CPLANE1: variants seen among roughly 807,000 people sequenced by gnomAD.
CPLANE1 encodes ciliogenesis and planar polarity effector complex subunit 1.
In CPLANE1, 263 loss-of-function variants were observed where a neutral mutation model predicts 362.5. That is an observed-to-expected ratio of 0.73 (90% CI 0.66 to 0.80). The LOEUF is 0.80. CPLANE1 is among the 30% of genes least tolerant of loss of function. The pLI is 0.00. For synonymous variants in CPLANE1, 1,212 were observed against 1,302.6 expected, an observed-to-expected ratio of 0.93 and a Z score of 1.50; for missense variants, 3,461 against 3,793.4, an observed-to-expected ratio of 0.91 and a Z score of 2.30.
chr5:37,098,968 C>G, the CPLANE1 span, among the ~76,000 whole-genome samples: 2 of 143,858 alleles, frequency 1.4e-5, no homozygotes, highest in African/African-American at 5.2e-5. Context: ...AATAAACAAC[C>G]TAACAATGAA....
chr5:37,206,671 AC>A (rs1428607631), intron 16 of CPLANE1, among the ~76,000 whole-genome samples: 3 of 152,224 alleles, frequency 2.0e-5, no homozygotes, highest in South Asian at 2.1e-4. Context: ...GAGAAAAAAA[AC>A]AAAACAGAAT....
At chr5:37,132,626 GT>G (rs1259416906) in intron 46 of CPLANE1, among the ~76,000 whole-genome samples, 5 of 152,004 alleles carry the variant, frequency 3.3e-5, no homozygotes, top group South Asian at 2.1e-4. Context: ...GATTACAGGC[GT>G]TGAGCCACCG....
the CPLANE1 span, among the ~76,000 whole-genome samples, chr5:37,091,807 C>G: frequency 6.6e-6 from 1 of 152,098 alleles, no homozygotes; most frequent in Non-Finnish European, 1.5e-5. Flanking sequence ...TAAACCATAC[C>G]ATGGTGTGGC....
chr5:37,182,959 C>G lies in CPLANE1; in HGVS notation c.5222G>C (p.Gly1741Ala). 1 of 1,605,830 alleles carries G rather than the reference C, an allele frequency of 6.2e-7. No individual in the cohort carries two copies. The highest frequency in any genetic ancestry group is 1.1e-5 in the South Asian group (1 of 89,590). ...CCATTCCAGCAGTCTTCCTATACTG[C>G]CAAAAGTGTTTAGTGCTAAAGGAAG... is the stretch of plus-strand genomic sequence containing the variant. ...EDLPLALNTF[G>A]SIGRLLEWMI... The change falls in exon 26 of 53, where the codon GGC (glycine) becomes GCC (alanine). Residue 1741 changes from glycine to alanine, a missense_variant. This residue lies in a region of CPLANE1 where 3,380 missense variants were observed against 3,666.1 expected (regional missense o/e 0.92). Coordinates refer to ENST00000651892, the MANE Select transcript of CPLANE1 (RefSeq NM_001384732.1).
In CPLANE1 at chr5:37,167,218, A is replaced by C. The variant is rs371345017; in HGVS notation, c.7234-5T>G. On this transcript the variant is annotated splice_polypyrimidine_tract_variant and splice_region_variant and intron_variant, in intron 34 of 52. Coordinates refer to ENST00000651892, the MANE Select transcript of CPLANE1 (RefSeq NM_001384732.1). ...GATAAGTTGTGTTTTTTTGCACTAC[A>C]AGAAAGAAACAAAGCATAAGAATGA... The C allele has an allele frequency of 1.9e-5, 30 of 1,601,212 alleles. No homozygotes were observed. In the African/African-American group the frequency reaches 3.5e-4, roughly 19 times the overall value.
intron 46 of CPLANE1, among the ~76,000 whole-genome samples, chr5:37,125,754 G>A (rs1763960179): frequency 6.6e-6 from 1 of 152,038 alleles, no homozygotes; most frequent in Non-Finnish European, 1.5e-5. Context: ...TTATCTTAAA[G>A]GTTCTCCTTT....
At position 37,179,380 on chromosome 5, in the gene CPLANE1, A is replaced by G; in HGVS notation, c.5801T>C (p.Leu1934Ser). Residue 1934 changes from leucine (L) to serine (S), a missense_variant, in exon 29 of 53, where the codon TTA becomes TCA. Transcript: ENST00000651892. ...SPSLAICMMT[L>S]PQQLEEEFTE... The stretch of plus-strand genomic sequence containing the variant: ...ACTTACTTCTTCTAACTGCTGTGGT[A>G]AAGTCATCATGCAAATGGCAAGACT... 1 of 1,611,008 alleles carries G rather than the reference A, an allele frequency of 6.2e-7. No individual in the cohort carries two copies. The highest frequency in any genetic ancestry group is 8.5e-7 in the Non-Finnish European group (1 of 1,177,490).
In CPLANE1 at chr5:37,201,718, G is replaced by T. The variant is rs375009168; in HGVS notation, c.3380C>A (p.Ser1127Ter). Residue 1127 changes from serine (S) to a stop codon, truncating the protein, a stop_gained, in exon 19 of 53, where the codon TCG (serine) becomes TAG (stop). Transcript: ENST00000651892. LOFTEE classifies it high-confidence loss of function. Reference protein sequence around the residue: ...ASVMADADILSETFQLLIDSA... With the variant: ...ASVMADADIL Reference sequence around the variant, plus strand: ...GTCTATCAGAAGTTGAAATGTCTCCGAAAGAATATCTGCATCGGCCATAAC... The same window carrying T: ...GTCTATCAGAAGTTGAAATGTCTCCTAAAGAATATCTGCATCGGCCATAAC... 1 of 1,614,058 alleles carries T rather than the reference G, an allele frequency of 6.2e-7. No individual in the cohort carries two copies. The highest frequency in any genetic ancestry group is 8.5e-7 in the Non-Finnish European group (1 of 1,179,954).
chr5:37,125,439 T>C lies in CPLANE1; in HGVS notation c.8793-30A>G, dbSNP rs570422227. On this transcript the variant is annotated intron_variant, in intron 46 of 52. Coordinates refer to ENST00000651892, the MANE Select transcript of CPLANE1 (RefSeq NM_001384732.1). ...GAAATTTAACAAGCAAGACATCATT[T>C]GCTTTTAAATTTGTTAAGCAGATAA... 4 of 1,599,944 alleles carry C rather than the reference T, an allele frequency of 2.5e-6. No individual in the cohort carries two copies. The East Asian group carries it at 9.0e-5, about 36-fold the overall frequency.
At position 37,227,591 on chromosome 5, in the gene CPLANE1, A is replaced by G; in HGVS notation, c.1348T>C (p.Tyr450His). ...ACCTTAGACAATATCACACTTTGAT[A>G]TATTTTCTCAAGCCTCTGGGTTGAA... The part of the protein sequence containing the change: ...LDSTQRLEKI[Y>H]QSVILSKPKG... Residue 450 changes from tyrosine (Y) to histidine (H), a missense_variant, in exon 10 of 53, where the codon TAT (tyrosine) becomes CAT (histidine). By Grantham distance (83) the Tyr-to-His change is moderately conservative (BLOSUM62 2). This residue lies in a region of CPLANE1 where 3,380 missense variants were observed against 3,666.1 expected (regional missense o/e 0.92). Coordinates refer to ENST00000651892, the MANE Select transcript of CPLANE1 (RefSeq NM_001384732.1). 1 of 1,551,182 alleles carries G rather than the reference A, an allele frequency of 6.4e-7. No individual in the cohort carries two copies. The highest frequency in any genetic ancestry group is 8.7e-7 in the Non-Finnish European group (1 of 1,146,792).
Position 37,235,119 on chromosome 5 carries a change from G to A in CPLANE1, c.938+3738C>T, listed in dbSNP as rs1037778636. 3.3e-5 allele frequency among the ~76,000 whole-genome samples: 5 copies of A among 152,078 alleles called. 1 individual carries two copies. Among genetic ancestry groups the A allele is most frequent in the Non-Finnish European group, 7.4e-5 (5 of 67,998 alleles). On this transcript the variant is annotated intron_variant, in intron 8 of 52. Coordinates refer to ENST00000651892, the MANE Select transcript of CPLANE1 (RefSeq NM_001384732.1). ...CTCTTAGATTTGATAAATGAATATA[G>A]TAAGATTTCAGGATACTTTATATTA...
intron 37 of CPLANE1, among the ~76,000 whole-genome samples, chr5:37,162,836 T>A (rs187367347): frequency 1.2e-3 from 190 of 152,254 alleles, no homozygotes; most frequent in Non-Finnish European, 2.2e-3. Flanking sequence ...CCCACCACCA[T>A]GCCTGGCTAA....
chr5:37,224,419 G>A, intron 13 of CPLANE1, 86 bp from the exon 14 acceptor site: 12 of 1,280,128 alleles, frequency 9.4e-6, no homozygotes, highest in Non-Finnish European at 1.3e-5. Flanking sequence ...AGTTAATGGA[G>A]CTCAGCCAGA....
At position 37,185,083 on chromosome 5, in the gene CPLANE1, G is replaced by A; in HGVS notation, c.4190-4C>T. On this transcript the variant is annotated splice_region_variant and splice_polypyrimidine_tract_variant and intron_variant, in intron 24 of 52. Transcript: ENST00000651892. ...ATCATTTCCTCAGTCTGGGGTCCTG[G>A]AAAGAAAAGAATAAAAAGTCTTAGT... 1 of 1,589,124 alleles carries A rather than the reference G, an allele frequency of 6.3e-7. No homozygotes were observed.
In CPLANE1 at chr5:37,230,841, AAATTAACAC is replaced by A; in HGVS notation, c.1121+17_1121+25del. 7.4e-7 allele frequency: 1 copy of A among 1,356,992 alleles called. No individual in the cohort carries two copies. Among genetic ancestry groups the A allele is most frequent in the Non-Finnish European group, 9.6e-7 (1 of 1,044,534 alleles). The allele number at this position is 1,356,992 out of a possible 1,614,324, so 84.1% of individuals were successfully genotyped here. ...CAAAACAGAAAAAAAATCTATAAAC[AAATTAACAC>A]AATTCAAATGTCTCACCTATACGTT... On this transcript the variant is annotated intron_variant, in intron 9 of 52. Transcript: ENST00000651892.
intron 14 of CPLANE1, among the ~76,000 whole-genome samples, chr5:37,223,234 A>G (rs907223888): frequency 7.2e-5 from 11 of 152,192 alleles, no homozygotes; most frequent in African/African-American, 2.4e-4. Flanking sequence ...AGTCATTCCC[A>G]TGACCTTAAT....
intron 20 of CPLANE1, 27 bp from the exon 21 acceptor site, chr5:37,196,023 T>G: frequency 6.4e-7 from 1 of 1,574,434 alleles, no homozygotes; most frequent in Non-Finnish European, 8.6e-7. Flanking sequence ...ACCGAACATG[T>G]TAATTATCAG....
In CPLANE1 at chr5:37,224,271, G is replaced by A. The variant is rs1285358729; in HGVS notation, c.2563C>T (p.Gln855Ter). The A allele has an allele frequency of 1.3e-6, 2 of 1,548,048 alleles. No homozygotes were observed. Among genetic ancestry groups the A allele is most frequent in the Non-Finnish European group, 1.7e-6 (2 of 1,145,062 alleles). ...KSVQLWKKALQEIEEKGGRRT... is the reference protein window; with the variant it reads ...KSVQLWKKAL ...CTCTTACCTTTCTCTTCGATTTCTT[G>A]TAGAGCTTTTTTCCACAGCTGAACA... The change falls in exon 14 of 53, where the codon CAA becomes TAA. Residue 855 changes from glutamine to a stop codon, truncating the protein, a stop_gained. Transcript: ENST00000651892. LOFTEE classifies it high-confidence loss of function.
the CPLANE1 span, among the ~76,000 whole-genome samples, chr5:37,098,923 C>CAA: frequency 0.041 from 2,098 of 51,358 alleles, 69 homozygotes; most frequent in African/African-American, 0.12. Context: ...ATGCCTACAT[C>CAA]AAAAAAAAAA....
Sources: allele counts gnomAD v4.1 joint callset (sites outside exome capture counted in the v4.1 genomes callset), GRCh38; gene constraint gnomAD v4.1.1; regional missense constraint gnomAD v4.1.1; transcripts MANE v1.5; gene names NCBI Gene and HGNC (gene_info 2026-07-23, HGNC 2026-07-21).